Variants in CCDC14 observed in about 807,000 individuals in gnomAD.
CCDC14 encodes coiled-coil domain-containing protein 14.
Under a neutral mutation model 81.4 loss-of-function variants are expected in CCDC14, and 71 were observed. The observed-to-expected ratio is 0.87, with a 90% CI of 0.72 to 1.06. CCDC14 has a LOEUF of 1.06. Among genes scored for constraint, CCDC14 ranks in the 50% least tolerant of loss-of-function variants. CCDC14 has a pLI of 0.00. For synonymous variants in CCDC14, 332 were observed against 364.8 expected, an observed-to-expected ratio of 0.91 and a Z score of 1.03; for missense variants, 1,046 against 1,047.3, an observed-to-expected ratio of 1.00 and a Z score of 0.02.
At chr3:123,950,216 T>C (rs1213204913) in intron 5 of CCDC14, among the ~76,000 whole-genome samples, 1 of 152,164 alleles carries the variant, frequency 6.6e-6, no homozygotes, top group Non-Finnish European at 1.5e-5. Flanking sequence ...TAGAAAAATA[T>C]ATGGATATTT....
chr3:123,926,850 C>T (rs2035392319), intron 12 of CCDC14, among the ~76,000 whole-genome samples: 2 of 151,984 alleles, frequency 1.3e-5, no homozygotes, highest in Admixed American at 6.6e-5. Context: ...ACACACATAC[C>T]AAAACCATAT....
At chr3:123,899,366 C>T (rs1005908420) in intron 5 of CCDC14, among the ~76,000 whole-genome samples, 1 of 151,984 alleles carries the variant, frequency 6.6e-6, no homozygotes, top group African/African-American at 2.4e-5. Flanking sequence ...CAGATACCAC[C>T]AGTGATCCCC....
At chr3:123,921,783 A>G (rs1048621795) in intron 12 of CCDC14, among the ~76,000 whole-genome samples, 1 of 152,242 alleles carries the variant, frequency 6.6e-6, no homozygotes, top group African/African-American at 2.4e-5. Context: ...ATGTTTTAAG[A>G]AAGTTTATGA....
chr3:123,937,129 T>G (rs2036099100), intron 9 of CCDC14, among the ~76,000 whole-genome samples: 1 of 152,102 alleles, frequency 6.6e-6, no homozygotes, highest in Admixed American at 6.6e-5. Context: ...TGATAGACAT[T>G]TGGGTTGTTT....
At chr3:123,932,217 T>A (rs540740720) in intron 10 of CCDC14, among the ~76,000 whole-genome samples, 2 of 152,276 alleles carry the variant, frequency 1.3e-5, no homozygotes, top group Admixed American at 1.3e-4. Flanking sequence ...ACAGTAATGA[T>A]CTCAAAGAAA....
chr3:123,948,582 T>C, intron 7 of CCDC14, 109 bp downstream of exon 7: 8 of 871,686 alleles, frequency 9.2e-6, no homozygotes, highest in Non-Finnish European at 1.4e-5. Flanking sequence ...AATAAACAAC[T>C]GGTCTTTAAA....
chr3:123,920,063 A>C (rs1031417815), intron 12 of CCDC14, among the ~76,000 whole-genome samples: 3 of 152,216 alleles, frequency 2.0e-5, no homozygotes, highest in African/African-American at 7.2e-5. Context: ...AAAGAAATAG[A>C]AACAAATTTT....
downstream of CCDC14, among the ~76,000 whole-genome samples, chr3:123,913,155 G>C (rs965571861): frequency 6.6e-6 from 1 of 152,066 alleles, no homozygotes; most frequent in African/African-American, 2.4e-5. Flanking sequence ...CCAAATTATT[G>C]CATGTTCCTA....
chr3:123,956,024 C>T (rs1442949144), intron 4 of CCDC14, 22 bp downstream of exon 4: 2 of 1,527,014 alleles, frequency 1.3e-6, no homozygotes, highest in African/African-American at 1.4e-5. Flanking sequence ...AGGTGATCAG[C>T]AAAGAATTAA....
intron 12 of CCDC14, among the ~76,000 whole-genome samples, chr3:123,917,072 T>A (rs2034746935): frequency 6.6e-6 from 1 of 151,782 alleles, no homozygotes. Context: ...CTCGATCTCC[T>A]GACCTCGTGA....
Position 123,949,296 on chromosome 3 carries a change from C to A in CCDC14, c.353-164G>T, listed in dbSNP as rs1200096590. The A allele has an allele frequency of 6.9e-6, 4 of 579,390 alleles. No individual in the cohort carries two copies. The East Asian group carries it at 1.1e-4, about 16-fold the overall frequency. 35.9% of individuals were successfully genotyped at this position (579,390 alleles called of 1,614,324 possible). On this transcript the variant is annotated intron_variant, in intron 5 of 12. Coordinates refer to ENST00000409697, the MANE Select transcript of CCDC14 (RefSeq NM_001366335.1). ...CTACTAAAGAAAATCATCTCAAATT[C>A]TTTCTGAAAGTAATTAGTGTTTAAG...
At chr3:123,958,465 T>A (rs1235657863) in intron 1 of CCDC14, 1 of 152,156 alleles carries the variant, frequency 6.6e-6, no homozygotes, top group Non-Finnish European at 1.5e-5. Flanking sequence ...CCTTTCAATT[T>A]TTTTTTGTAG....
intron 5 of CCDC14, among the ~76,000 whole-genome samples, chr3:123,901,150 T>C (rs1023563028): frequency 2.0e-5 from 3 of 151,936 alleles, no homozygotes; most frequent in African/African-American, 7.3e-5. Context: ...GAGAATCACT[T>C]GAACCCAGGA....
At chr3:123,945,996 C>A (rs1357646446) in intron 8 of CCDC14, among the ~76,000 whole-genome samples, 1 of 151,980 alleles carries the variant, frequency 6.6e-6, no homozygotes, top group Non-Finnish European at 1.5e-5. Context: ...TAAATGACAG[C>A]TAATGGTATT....
the CCDC14 span, among the ~76,000 whole-genome samples, chr3:123,891,088 C>T: frequency 1.3e-5 from 2 of 151,562 alleles, no homozygotes; most frequent in African/African-American, 4.8e-5. Flanking sequence ...TCTATATTGG[C>T]CCCTTTTAGC....
chr3:123,932,187 TAACA>T (rs2035772125), intron 10 of CCDC14, among the ~76,000 whole-genome samples: 2 of 152,144 alleles, frequency 1.3e-5, no homozygotes, highest in Non-Finnish European at 2.9e-5. Flanking sequence ...ACAGAGCTGA[TAACA>T]AACAAGTAAT....
downstream of CCDC14, among the ~76,000 whole-genome samples, chr3:123,894,973 T>A (rs2148752732): frequency 6.6e-6 from 1 of 152,340 alleles, no homozygotes; most frequent in East Asian, 1.9e-4. Context: ...CACAAATACC[T>A]GAAGAAGACC....
intron 12 of CCDC14, among the ~76,000 whole-genome samples, chr3:123,916,080 C>T (rs2034670923): frequency 6.7e-6 from 1 of 149,986 alleles, no homozygotes; most frequent in African/African-American, 2.5e-5. Context: ...CTCACTGAAA[C>T]TTCTGCCTCC....
At chr3:123,904,320 G>C (rs2034250602) in intron 5 of CCDC14, among the ~76,000 whole-genome samples, 1 of 152,116 alleles carries the variant, frequency 6.6e-6, no homozygotes. Context: ...GACTTCATGA[G>C]CATGGAGAAA....
Sources: gnomAD v4.1 joint callset for allele counts (sites outside exome capture counted in the v4.1 genomes callset) on GRCh38, gnomAD v4.1.1 for gene constraint, MANE v1.5 for transcripts, NCBI Gene and HGNC (gene_info 2026-07-23, HGNC 2026-07-21) for gene names.